RNF24: variants seen among roughly 807,000 people sequenced by gnomAD.
RNF24 encodes ring finger protein 24.
RNF24 carries 14 observed loss-of-function variants against 20.0 expected under a neutral mutation model. The observed-to-expected ratio is 0.70, with a 90% CI of 0.46 to 1.10. The LOEUF (loss-of-function observed/expected upper bound fraction) is 1.10. Among genes scored for constraint, RNF24 ranks in the 50% least tolerant of loss-of-function variants. RNF24 has a pLI of 0.00. For synonymous variants in RNF24, 45 were observed against 61.1 expected (o/e 0.74, Z 1.23); for missense variants, 124 against 177.6 (o/e 0.70, Z 1.71).
chr20:3,933,997 C>G lies in RNF24; in HGVS notation c.*66G>C, dbSNP rs1476500011. Reference sequence around the variant, plus strand: ...TAGGTAGAGAGCAGCCATACAGACACCACATGTGTTCCTCCTGGCTCCACA... The same window carrying G: ...TAGGTAGAGAGCAGCCATACAGACAGCACATGTGTTCCTCCTGGCTCCACA... On this transcript the variant is annotated 3_prime_UTR_variant, in exon 6 of 6. Coordinates refer to ENST00000358395, the MANE Select transcript of RNF24 (RefSeq NM_001134337.3). The G allele has an allele frequency of 2.2e-6, 3 of 1,390,872 alleles. No individual in the cohort carries two copies. The highest frequency in any genetic ancestry group is 2.8e-6 in the Non-Finnish European group (3 of 1,060,936). 86.2% of individuals were successfully genotyped at this position (1,390,872 alleles called of 1,614,324 possible). A position where few individuals can be genotyped will look rare whatever the true frequency, so the allele number is the denominator to read the frequency against.
chr20:3,984,418 G>A (rs957676570), intron 1 of RNF24, among the ~76,000 whole-genome samples: 2 of 152,048 alleles, frequency 1.3e-5, no homozygotes, highest in African/African-American at 4.8e-5. Flanking sequence ...CAGCACCTCC[G>A]GTGGATATCC....
intron 2 of RNF24, among the ~76,000 whole-genome samples, chr20:3,948,536 AATATTT>A (rs1166111537): frequency 2.6e-5 from 4 of 152,180 alleles, no homozygotes; most frequent in African/African-American, 7.2e-5. Context: ...TTATTTCAAT[AATATTT>A]ATATTTTTTC....
At chr20:3,984,836 A>C (rs933434314) in intron 1 of RNF24, among the ~76,000 whole-genome samples, 2 of 151,548 alleles carry the variant, frequency 1.3e-5, no homozygotes, top group African/African-American at 2.4e-5. Context: ...ACACCAGAAG[A>C]CTTCTTTCCA....
rs1000383870 is a variant in RNF24 at position 3,929,214 on chromosome 20, G to A, written c.*4849C>T. 1 of 152,278 alleles carries A rather than the reference G, an allele frequency of 6.6e-6. No individual in the cohort carries two copies. Among genetic ancestry groups the A allele is most frequent in the Middle Eastern group, 3.1e-3 (1 of 318 alleles). The allele number at this position is 152,278 out of a possible 1,614,324, so 9.4% of individuals were successfully genotyped here. On this transcript the variant is annotated 3_prime_UTR_variant, in exon 6 of 6. Coordinates refer to ENST00000358395, the MANE Select transcript of RNF24 (RefSeq NM_001134337.3). ...TGAGGAGGCCAGCCTGGGCAACATA[G>A]TGAGTTGAGACCTGTCTCTACAAAA...
chr20:3,934,953 C>A lies in RNF24; in HGVS notation c.308+41G>T, dbSNP rs752723349. Reference sequence around the variant, plus strand: ...CCAAAAGAAGTTGGTTGATGTGCCTCAAACTCGGGTCCCATTAAGTAATTC... The same window carrying A: ...CCAAAAGAAGTTGGTTGATGTGCCTAAAACTCGGGTCCCATTAAGTAATTC... On this transcript the variant is annotated intron_variant, in intron 5 of 5. Transcript: ENST00000358395. The surrounding 1 kb of genome is among the most constrained non-coding windows in gnomAD (Gnocchi z 4.0). The A allele has an allele frequency of 2.5e-6, 4 of 1,569,428 alleles. No homozygotes were observed. The highest frequency in any genetic ancestry group is 3.5e-6 in the Non-Finnish European group (4 of 1,139,828).
rs186954469 is a variant in RNF24 at position 3,996,391 on chromosome 20, T to C, written c.-8+19046A>G. ...TTTGTAGAGATCGGATCTTGTATAT[T>C]AGTATATTCTCCGAATGGACATTTC... On this transcript the variant is annotated intron_variant, in intron 1 of 5. Transcript: ENST00000358395. Among the ~76,000 whole-genome samples, 32 of 152,304 alleles carry C rather than the reference T, an allele frequency of 2.1e-4. No homozygotes were observed. In the East Asian group the frequency reaches 6.2e-3, roughly 29 times the overall value.
intron 2 of RNF24, among the ~76,000 whole-genome samples, chr20:3,948,963 T>C (rs2091050859): frequency 6.6e-6 from 1 of 152,250 alleles, no homozygotes; most frequent in South Asian, 2.1e-4. Flanking sequence ...CTGATGAATA[T>C]TTAATTACTT....
Position 3,946,631 on chromosome 20 carries a change from T to C in RNF24, c.187-1413A>G, listed in dbSNP as rs139016353. ...GGAGGATCACCTGAGCCCAGGGAGG[T>C]CAAGGCTGCAGTGAGCTGTGATCAT... On this transcript the variant is annotated intron_variant, in intron 3 of 5. Coordinates refer to ENST00000358395, the MANE Select transcript of RNF24 (RefSeq NM_001134337.3). 9.6e-3 allele frequency among the ~76,000 whole-genome samples: 1,339 copies of C among 140,178 alleles called. 21 individuals carry two copies. The highest frequency in any genetic ancestry group is 0.035 in the African/African-American group (1,266 of 36,446). 92.0% of individuals were successfully genotyped at this position (140,178 alleles called of 152,430 possible).
chr20:3,932,532 G>T lies in RNF24; in HGVS notation c.*1531C>A, dbSNP rs1479419688. 5.8e-6 allele frequency: 1 copy of T among 171,930 alleles called. No homozygotes were observed. Among genetic ancestry groups the T allele is most frequent in the African/African-American group, 2.4e-5 (1 of 42,392 alleles). 10.7% of individuals were successfully genotyped at this position (171,930 alleles called of 1,614,324 possible). A position where few individuals can be genotyped will look rare whatever the true frequency, so the allele number is the denominator to read the frequency against. On this transcript the variant is annotated 3_prime_UTR_variant, in exon 6 of 6. Coordinates refer to ENST00000358395, the MANE Select transcript of RNF24 (RefSeq NM_001134337.3). ...GCCCAGCCATCTGAACCAAGGACAG[G>T]TTCCTTCTCCTAAGAGGACAGAGGT...
intron 1 of RNF24, among the ~76,000 whole-genome samples, chr20:4,000,060 AATG>A (rs1365509679): frequency 6.6e-6 from 1 of 152,168 alleles, no homozygotes; most frequent in Non-Finnish European, 1.5e-5. Flanking sequence ...TTTTTGGAAT[AATG>A]ATAACTAAAA....
intron 1 of RNF24, among the ~76,000 whole-genome samples, chr20:3,997,617 G>T (rs1249795716): frequency 1.3e-5 from 2 of 151,948 alleles, no homozygotes; most frequent in Non-Finnish European, 1.5e-5. Context: ...CCACAGATGG[G>T]GTTTCCCTAT....
intron 1 of RNF24, among the ~76,000 whole-genome samples, chr20:3,997,012 G>C (rs1037880244): frequency 4.0e-5 from 6 of 151,850 alleles, no homozygotes; most frequent in Admixed American, 6.6e-5. Context: ...CGAGGTCAGG[G>C]GATCGAGACC....
chr20:3,972,496 T>G lies in RNF24; in HGVS notation c.-7-8472A>C, dbSNP rs77289714. 5.4e-3 allele frequency among the ~76,000 whole-genome samples: 826 copies of G among 152,244 alleles called. 10 individuals carry two copies. Among genetic ancestry groups the G allele is most frequent in the African/African-American group, 0.017 (723 of 41,538 alleles). ...AAACTAGACATTTATAACAGAAGGGTAGCAAGAAAATATCCAAACACTTAG... is the reference window on the plus strand; with the variant it reads ...AAACTAGACATTTATAACAGAAGGGGAGCAAGAAAATATCCAAACACTTAG... On this transcript the variant is annotated intron_variant, in intron 1 of 5. Transcript: ENST00000358395.
chr20:3,938,280 G>C (rs2090915632), intron 4 of RNF24, among the ~76,000 whole-genome samples: 2 of 152,128 alleles, frequency 1.3e-5, no homozygotes, highest in African/African-American at 4.8e-5. Flanking sequence ...ATTATTAAGT[G>C]GTAAGAGTTC....
intron 1 of RNF24, among the ~76,000 whole-genome samples, chr20:3,973,296 C>A (rs780559107): frequency 1.3e-5 from 2 of 151,474 alleles, no homozygotes; most frequent in African/African-American, 2.4e-5. Context: ...TGGTACTAAA[C>A]GCACACATAA....
intron 1 of RNF24, among the ~76,000 whole-genome samples, chr20:3,991,767 T>C (rs1980459993): frequency 6.6e-6 from 1 of 152,180 alleles, no homozygotes; most frequent in Non-Finnish European, 1.5e-5. Context: ...AAGGTAATCA[T>C]TTAATGATCA....
chr20:3,991,805 TA>T (rs1222462697), intron 1 of RNF24, among the ~76,000 whole-genome samples: 1 of 152,146 alleles, frequency 6.6e-6, no homozygotes, highest in African/African-American at 2.4e-5. Flanking sequence ...TAATTATATA[TA>T]AATTGTTTCT....
chr20:3,933,932 A>T lies in RNF24; in HGVS notation c.*131T>A. 1 of 961,196 alleles carries T rather than the reference A, an allele frequency of 1.0e-6. No homozygotes were observed. Among genetic ancestry groups the T allele is most frequent in the Non-Finnish European group, 1.4e-6 (1 of 702,164 alleles). 59.5% of individuals were successfully genotyped at this position (961,196 alleles called of 1,614,324 possible). On this transcript the variant is annotated 3_prime_UTR_variant, in exon 6 of 6. Coordinates refer to ENST00000358395, the MANE Select transcript of RNF24 (RefSeq NM_001134337.3). ...CTAGGTTCCCAGTTTGGCTGGCCCAAGAGTTCTTCATGAGGCAAAAGAAGT... is the reference window on the plus strand; with the variant it reads ...CTAGGTTCCCAGTTTGGCTGGCCCATGAGTTCTTCATGAGGCAAAAGAAGT...
chr20:3,953,625 C>A (rs909627521), intron 2 of RNF24, among the ~76,000 whole-genome samples: 1 of 151,924 alleles, frequency 6.6e-6, no homozygotes, highest in East Asian at 1.9e-4. Flanking sequence ...CCACCACGCC[C>A]GGCTAATTTC....
Sources: gnomAD v4.1 joint callset for allele counts (sites outside exome capture counted in the v4.1 genomes callset) on GRCh38, gnomAD v4.1.1 for gene constraint, Gnocchi (gnomAD v3.1) non-coding constraint, MANE v1.5 for transcripts, NCBI Gene and HGNC (gene_info 2026-07-23, HGNC 2026-07-21) for gene names.